The following IQUB variants were observed in gnomAD, a reference collection of about 807,000 sequenced individuals.
The protein encoded by IQUB is IQ motif and ubiquitin-like domain-containing protein.
Under a neutral mutation model 86.4 loss-of-function variants are expected in IQUB, and 86 were observed. That is an observed-to-expected ratio of 1.00 (90% confidence interval 0.84 to 1.19). IQUB has a LOEUF of 1.19. Among genes scored for constraint, IQUB ranks in the 50% most tolerant of loss-of-function variants. IQUB has a pLI of 0.00. For missense variants in IQUB, 946 were observed against 916.9 expected (o/e 1.03, Z -0.41); for synonymous variants, 289 against 304.5 (o/e 0.95, Z 0.53).
At position 123,452,823 on chromosome 7, in the gene IQUB, C is replaced by T. The variant is rs757763811; in HGVS notation, c.2296G>A (p.Gly766Ser). 6.2e-7 allele frequency: 1 copy of T among 1,613,372 alleles called. No homozygotes were observed. The highest frequency in any genetic ancestry group is 1.1e-5 in the South Asian group (1 of 91,024). ...PVLASFILDD[G>S]EIDEIRWKYH... ...TTCCATCTGATCTCATCAATTTCAC[C>T]ATCATCAAGTATAAATGAAGCCAGC... The change falls in exon 13 of 13, where the codon GGT becomes AGT. Residue 766 changes from glycine to serine, a missense_variant. Gly to Ser is a moderately conservative substitution (Grantham distance 56). Transcript: ENST00000324698.
At chr7:123,531,997 T>A (rs997497635) in intron 1 of IQUB, among the ~76,000 whole-genome samples, 11 of 152,352 alleles carry the variant, frequency 7.2e-5, no homozygotes, top group African/African-American at 2.4e-4. Context: ...GCAAAGCTTC[T>A]AGTTAAACTG....
intron 1 of IQUB, among the ~76,000 whole-genome samples, chr7:123,528,218 C>T (rs1282308666): frequency 6.6e-6 from 1 of 152,178 alleles, no homozygotes; most frequent in East Asian, 1.9e-4. Flanking sequence ...CACTGTCTGG[C>T]ACTCCCTAGT....
intron 8 of IQUB, among the ~76,000 whole-genome samples, chr7:123,470,849 T>G (rs1156617731): frequency 6.9e-6 from 1 of 145,604 alleles, no homozygotes; most frequent in Non-Finnish European, 1.5e-5. Context: ...AGACTCTGTC[T>G]CAAAAAAAAA....
rs1436352353 is a variant in IQUB at position 123,496,890 on chromosome 7, G to A, written c.1040C>T (p.Thr347Ile). Residue 347 changes from threonine to isoleucine, a missense_variant, in exon 7 of 13, where the codon ACT becomes ATT. Transcript: ENST00000324698. ...QRLKAVIVIQ[T>I]YYRQWHAKIF... ...TTTAGCATGCCATTGCCTGTAGTAA[G>A]TCTGTATCACTATCACCTATAGTTA... The A allele has an allele frequency of 6.2e-7, 1 of 1,608,780 alleles. No homozygotes were observed. Among genetic ancestry groups the A allele is most frequent in the South Asian group, 1.1e-5 (1 of 90,630 alleles).
At chr7:123,455,534 A>AG (rs1793653053) in intron 12 of IQUB, among the ~76,000 whole-genome samples, 1 of 152,150 alleles carries the variant, frequency 6.6e-6, no homozygotes, top group Non-Finnish European at 1.5e-5. Flanking sequence ...GCCAAAAAAA[A>AG]CTATGCAGAA....
intron 8 of IQUB, among the ~76,000 whole-genome samples, chr7:123,479,585 T>C (rs1259741128): frequency 6.6e-6 from 1 of 152,156 alleles, no homozygotes; most frequent in Non-Finnish European, 1.5e-5. Context: ...ATGTATGGAT[T>C]TCATATTACC....
intron 1 of IQUB, among the ~76,000 whole-genome samples, chr7:123,515,057 T>A (rs1796580499): frequency 6.6e-6 from 1 of 151,690 alleles, no homozygotes; most frequent in South Asian, 2.1e-4. Context: ...AGCTCAATTT[T>A]AAAAAAAATC....
intron 8 of IQUB, among the ~76,000 whole-genome samples, chr7:123,476,922 T>C (rs572238435): frequency 6.6e-6 from 1 of 152,104 alleles, no homozygotes; most frequent in Non-Finnish European, 1.5e-5. Context: ...AAACCACTGC[T>C]CAATGAAATA....
intron 1 of IQUB, among the ~76,000 whole-genome samples, chr7:123,529,679 G>T (rs2117389928): frequency 7.0e-6 from 1 of 142,038 alleles, no homozygotes; most frequent in Middle Eastern, 3.7e-3. Flanking sequence ...GAGGTCAGGA[G>T]TTGGGAGGCC....
chr7:123,457,191 TCTTA>T, intron 12 of IQUB, 186 bp downstream of exon 12: 4 of 969,590 alleles, frequency 4.1e-6, no homozygotes, highest in Non-Finnish European at 4.9e-6. Context: ...TGTTCAAATC[TCTTA>T]TATATACCTT....
chr7:123,519,742 G>A (rs1458377542), intron 1 of IQUB, among the ~76,000 whole-genome samples: 5 of 152,070 alleles, frequency 3.3e-5, no homozygotes, highest in East Asian at 3.9e-4. Flanking sequence ...AGCACCGTAC[G>A]GTGACTATAG....
intron 1 of IQUB, among the ~76,000 whole-genome samples, chr7:123,516,236 C>T (rs1183844607): frequency 6.6e-6 from 1 of 151,984 alleles, no homozygotes; most frequent in African/African-American, 2.4e-5. Context: ...GATGTAAGGT[C>T]AGTAGTATAG....
intron 1 of IQUB, among the ~76,000 whole-genome samples, chr7:123,514,815 A>G (rs948929143): frequency 6.6e-6 from 1 of 152,108 alleles, no homozygotes; most frequent in Non-Finnish European, 1.5e-5. Context: ...TATAGATGTT[A>G]TTTCACTCCT....
rs766362578 is a variant in IQUB, at chr7:123,452,780, G to T, written c.2339C>A (p.Thr780Lys). 1 of 1,613,492 alleles carries T rather than the reference G, an allele frequency of 6.2e-7. No homozygotes were observed. Among genetic ancestry groups the T allele is most frequent in the South Asian group, 1.1e-5 (1 of 91,030 alleles). Reference sequence around the variant, plus strand: ...CCTCTGGGATTCTATAATCTTAGGTGTTGTGTCTGAGTGATACTTCCATCT... The same window carrying T: ...CCTCTGGGATTCTATAATCTTAGGTTTTGTGTCTGAGTGATACTTCCATCT... ...EIRWKYHSDT[T>K]PKIIESQRPP... is the part of the protein sequence containing the mutation. The change falls in exon 13 of 13, where the codon ACA becomes AAA. Residue 780 changes from threonine to lysine, a missense_variant. Transcript: ENST00000324698.
Position 123,466,187 on chromosome 7 carries a change from C to A in IQUB, c.1582-1178G>T, listed in dbSNP as rs1406743884. On this transcript the variant is annotated intron_variant, in intron 9 of 12. Transcript: ENST00000324698. ...ATTAACTTATTTTAAGGTTGTGCAGCCATAAATGAATAGAGTCAGAATTTG... is the reference window on the plus strand; with the variant it reads ...ATTAACTTATTTTAAGGTTGTGCAGACATAAATGAATAGAGTCAGAATTTG... 2.0e-5 allele frequency among the ~76,000 whole-genome samples: 3 copies of A among 151,994 alleles called. No homozygotes were observed. The East Asian group carries it at 5.8e-4, about 29-fold the overall frequency.
At position 123,512,080 on chromosome 7, in the gene IQUB, T is replaced by A. The variant is rs1796441145; in HGVS notation, c.261A>T (p.Gln87His). The A allele has an allele frequency of 1.2e-6, 2 of 1,614,084 alleles. No homozygotes were observed. The highest frequency in any genetic ancestry group is 1.7e-6 in the Non-Finnish European group (2 of 1,179,982). Residue 87 changes from glutamine to histidine, a missense_variant, in exon 2 of 13, where the codon CAA (glutamine) becomes CAT (histidine). By Grantham distance (24) the Gln-to-His change is conservative. Transcript: ENST00000324698. ...QLMEEVISPRQVSYTPQHHEK... is the reference protein window; with the variant it reads ...QLMEEVISPRHVSYTPQHHEK... ...CATGATGTTGCGGAGTATATGAAAC[T>A]TGTCTTGGTGATATAACCTCTTCCA...
intron 11 of IQUB, among the ~76,000 whole-genome samples, chr7:123,459,354 A>G (rs1173385559): frequency 6.6e-6 from 1 of 152,074 alleles, no homozygotes; most frequent in African/African-American, 2.4e-5. Context: ...GATGAGATTA[A>G]CATTTAAGTA....
At chr7:123,523,051 G>A (rs1212715230) in intron 1 of IQUB, among the ~76,000 whole-genome samples, 5 of 150,540 alleles carry the variant, frequency 3.3e-5, no homozygotes, top group African/African-American at 9.8e-5. Flanking sequence ...TTTTATGGCT[G>A]CATAGTATTC....
chr7:123,486,853 T>A (rs1286590921), intron 7 of IQUB, among the ~76,000 whole-genome samples: 1 of 131,684 alleles, frequency 7.6e-6, no homozygotes. Flanking sequence ...AGGACCTTAG[T>A]TGTGTGCAGG....
Sources: allele counts gnomAD v4.1 joint callset (sites outside exome capture counted in the v4.1 genomes callset), GRCh38; gene constraint gnomAD v4.1.1; transcripts MANE v1.5; gene names NCBI Gene and HGNC (gene_info 2026-07-23, HGNC 2026-07-21).